RBM47: variants seen among roughly 807,000 people sequenced by gnomAD.
The protein encoded by RBM47 is RNA-binding protein 47.
In RBM47, 21 loss-of-function variants were observed where a neutral mutation model predicts 47.1. The ratio of observed to expected loss-of-function variants is 0.45; its 90% CI spans 0.32 to 0.64. The LOEUF (loss-of-function observed/expected upper bound fraction) is 0.64. Among genes scored for constraint, RBM47 ranks in the 30% least tolerant of loss-of-function variants. The pLI, the probability that RBM47 is intolerant of heterozygous loss-of-function variation, is 0.05. For synonymous variants in RBM47, 375 were observed against 361.7 expected, an observed-to-expected ratio of 1.04 and a Z score of -0.42; for missense variants, 708 against 870.9, an observed-to-expected ratio of 0.81 and a Z score of 2.35.
At chr4:40,499,810 ATAGAG>A (rs772887617) in intron 2 of RBM47, among the ~76,000 whole-genome samples, 139 of 152,370 alleles carry the variant, frequency 9.1e-4, no homozygotes, top group Non-Finnish European at 1.5e-3. Flanking sequence ...TAATCATATT[ATAGAG>A]TATTCACTCA....
chr4:40,509,676 T>C (rs1724628110), intron 2 of RBM47, among the ~76,000 whole-genome samples: 1 of 146,922 alleles, frequency 6.8e-6, no homozygotes, highest in Non-Finnish European at 1.5e-5. Context: ...GGTCAGGAGA[T>C]CGAGACCATC....
At chr4:40,429,717 A>AAAAAAAT (rs1715620328) in intron 6 of RBM47, among the ~76,000 whole-genome samples, 1 of 145,552 alleles carries the variant, frequency 6.9e-6, no homozygotes, top group African/African-American at 2.5e-5. Flanking sequence ...AAAAAAAAAA[A>AAAAAAAT]GTGCCTCTAA....
At chr4:40,537,857 C>T (rs1431473867) in intron 2 of RBM47, among the ~76,000 whole-genome samples, 7 of 148,306 alleles carry the variant, frequency 4.7e-5, no homozygotes, top group African/African-American at 1.3e-4. Flanking sequence ...TTTTTAGATG[C>T]GATGTCACTG....
intron 1 of RBM47, among the ~76,000 whole-genome samples, chr4:40,576,443 G>A (rs760615885): frequency 6.6e-6 from 1 of 152,050 alleles, no homozygotes; most frequent in Non-Finnish European, 1.5e-5. Context: ...TCTTACAAAG[G>A]TGAAACTTTC....
At chr4:40,568,190 C>T (rs567089724) in intron 1 of RBM47, among the ~76,000 whole-genome samples, 1 of 151,654 alleles carries the variant, frequency 6.6e-6, no homozygotes, top group South Asian at 2.1e-4. Context: ...CTTTGGGAGG[C>T]GAAGGCAGGA....
intron 1 of RBM47, among the ~76,000 whole-genome samples, chr4:40,586,401 G>C (rs1733587618): frequency 6.6e-6 from 1 of 151,946 alleles, no homozygotes; most frequent in Non-Finnish European, 1.5e-5. Flanking sequence ...AACAGAGTTA[G>C]GGGCTTTTCT....
intron 3 of RBM47, among the ~76,000 whole-genome samples, chr4:40,449,334 A>G (rs969985856): frequency 1.3e-5 from 2 of 152,196 alleles, no homozygotes; most frequent in Non-Finnish European, 2.9e-5. Flanking sequence ...ACAAGGGAAT[A>G]ATGACATTCC....
At chr4:40,447,156 A>C (rs1296852141) in intron 3 of RBM47, among the ~76,000 whole-genome samples, 1 of 152,220 alleles carries the variant, frequency 6.6e-6, no homozygotes, top group African/African-American at 2.4e-5. Context: ...CCCTCCCAGC[A>C]CACAGCTATT....
intron 1 of RBM47, among the ~76,000 whole-genome samples, chr4:40,547,679 G>A (rs992799430): frequency 6.6e-6 from 1 of 152,198 alleles, no homozygotes; most frequent in Non-Finnish European, 1.5e-5. Context: ...AATCAGAGTG[G>A]ATTAACTGTG....
At chr4:40,500,406 G>T (rs1723201503) in intron 2 of RBM47, among the ~76,000 whole-genome samples, 1 of 151,882 alleles carries the variant, frequency 6.6e-6, no homozygotes, top group Non-Finnish European at 1.5e-5. Flanking sequence ...GAATCCAGGA[G>T]TCGAGACCAG....
intron 2 of RBM47, among the ~76,000 whole-genome samples, chr4:40,517,136 C>A (rs148844107): frequency 5.2e-4 from 73 of 140,836 alleles, no homozygotes; most frequent in African/African-American, 1.9e-3. Context: ...CTCCTTCCTT[C>A]CTTCCTTCTT....
rs1300005872 is a variant in RBM47 at position 40,616,874 on chromosome 4, C to CTTTT, written c.-240+12518_-240+12521dup. 6.6e-3 allele frequency among the ~76,000 whole-genome samples: 735 copies of CTTTT among 111,630 alleles called. 30 individuals carry two copies. Among genetic ancestry groups the CTTTT allele is most frequent in the African/African-American group, 0.011 (293 of 26,928 alleles). The allele number at this position is 111,630 out of a possible 152,430, so 73.2% of individuals were successfully genotyped here. ...ACTGTTTCATCTTATATTTTCTTTTCTTTTTTTTTTTTTTTTTTTGAGACA... is the reference window on the plus strand; with the variant it reads ...ACTGTTTCATCTTATATTTTCTTTTCTTTTTTTTTTTTTTTTTTTTTTTGAGACA... On this transcript the variant is annotated intron_variant, in intron 1 of 6. Coordinates refer to ENST00000295971, the MANE Select transcript of RBM47 (RefSeq NM_001098634.2).
At chr4:40,553,834 T>C (rs1032130210) in intron 1 of RBM47, among the ~76,000 whole-genome samples, 3 of 152,184 alleles carry the variant, frequency 2.0e-5, no homozygotes, top group Admixed American at 2.0e-4. Context: ...GCCCATGTCC[T>C]TTACTTGAAT....
At position 40,496,329 on chromosome 4, in the gene RBM47, A is replaced by AACACACACAC. The variant is rs10597716; in HGVS notation, c.-154-29640_-154-29631dup. 1.6e-3 allele frequency among the ~76,000 whole-genome samples: 203 copies of AACACACACAC among 129,298 alleles called. 3 individuals are homozygous for AACACACACAC. The Middle Eastern group carries it at 0.04, about 25-fold the overall frequency. 84.8% of individuals were successfully genotyped at this position (129,298 alleles called of 152,430 possible). On this transcript the variant is annotated intron_variant, in intron 2 of 6. Transcript: ENST00000295971. ...TTCTGTATCTTGGCTGGAGAACTTA[A>AACACACACAC]ACACACACACACACACACACACACA...
chr4:40,429,967 G>C (rs993766647), intron 6 of RBM47, among the ~76,000 whole-genome samples: 1 of 151,982 alleles, frequency 6.6e-6, no homozygotes, highest in Admixed American at 6.6e-5. Flanking sequence ...GGCTGAGGAG[G>C]GCGGATCATG....
chr4:40,599,960 T>C (rs952146236), intron 1 of RBM47, among the ~76,000 whole-genome samples: 5 of 152,070 alleles, frequency 3.3e-5, no homozygotes, highest in Non-Finnish European at 7.4e-5. Flanking sequence ...AATATACCCC[T>C]ACACTTTAAA....
At chr4:40,537,515 G>C (rs1021194128) in intron 2 of RBM47, among the ~76,000 whole-genome samples, 11 of 151,276 alleles carry the variant, frequency 7.3e-5, no homozygotes, top group African/African-American at 1.2e-4. Context: ...GCCTCCCAAA[G>C]TGCTGGGATT....
intron 1 of RBM47, among the ~76,000 whole-genome samples, chr4:40,609,803 G>A (rs1341771265): frequency 1.3e-5 from 2 of 151,760 alleles, no homozygotes; most frequent in Admixed American, 1.3e-4. Context: ...TCTCATTTAA[G>A]GCTCATTCAA....
intron 2 of RBM47, among the ~76,000 whole-genome samples, chr4:40,535,622 G>A (rs929970963): frequency 2.0e-4 from 30 of 149,552 alleles, no homozygotes; most frequent in African/African-American, 7.1e-4. Context: ...GTGCAGTGGC[G>A]AGATCTCGGC....
Sources: allele counts gnomAD v4.1 joint callset (sites outside exome capture counted in the v4.1 genomes callset), GRCh38; gene constraint gnomAD v4.1.1; transcripts MANE v1.5; gene names NCBI Gene and HGNC (gene_info 2026-07-23, HGNC 2026-07-21).